The following ARHGAP22 variants were observed in gnomAD, a reference collection of about 807,000 sequenced individuals.
The protein encoded by ARHGAP22 is Rho GTPase activating protein 22.
ARHGAP22 carries 48 observed loss-of-function variants against 59.1 expected under a neutral mutation model. That is an observed-to-expected ratio of 0.81 (90% CI 0.64 to 1.03). The LOEUF (loss-of-function observed/expected upper bound fraction) is 1.03, where lower values mean the gene tolerates loss of function less well. Ranked by LOEUF, ARHGAP22 falls within the 50% of genes least tolerant of loss-of-function variation. ARHGAP22 has a pLI of 0.00. For synonymous variants in ARHGAP22, 445 were observed against 416.4 expected (o/e 1.07, Z -0.84); for missense variants, 1,015 against 958.7 (o/e 1.06, Z -0.78).
chr10:48,496,635 T>C (rs1392908517), intron 3 of ARHGAP22, among the ~76,000 whole-genome samples: 2 of 152,120 alleles, frequency 1.3e-5, no homozygotes, highest in African/African-American at 4.8e-5. Context: ...TTACCTAAGA[T>C]CCTTGTCCCC....
At chr10:48,463,044 T>C (rs1264691501) in intron 4 of ARHGAP22, among the ~76,000 whole-genome samples, 2 of 152,238 alleles carry the variant, frequency 1.3e-5, no homozygotes, top group African/African-American at 2.4e-5. Flanking sequence ...ATTTTTAAAT[T>C]AGTTATTTAT....
intron 3 of ARHGAP22, among the ~76,000 whole-genome samples, chr10:48,552,782 C>T (rs4838620): frequency 0.63 from 95,947 of 152,158 alleles, 31,959 homozygotes; most frequent in East Asian, 0.98. Flanking sequence ...TGTGACTGCA[C>T]GTTGCTGTGG....
intron 1 of ARHGAP22, among the ~76,000 whole-genome samples, chr10:48,604,018 G>A (rs2060535501): frequency 6.6e-6 from 1 of 152,192 alleles, no homozygotes; most frequent in Non-Finnish European, 1.5e-5. Flanking sequence ...TTCTATTTTT[G>A]TAAAAGACAG....
At chr10:48,590,010 G>A (rs994386855) in intron 1 of ARHGAP22, among the ~76,000 whole-genome samples, 1 of 152,096 alleles carries the variant, frequency 6.6e-6, no homozygotes, top group Non-Finnish European at 1.5e-5. Context: ...ATTATTATGT[G>A]TCAATTATAA....
intron 2 of ARHGAP22, among the ~76,000 whole-genome samples, chr10:48,576,899 C>G (rs1261580291): frequency 6.6e-6 from 1 of 151,128 alleles, no homozygotes; most frequent in African/African-American, 2.4e-5. Flanking sequence ...CTCCACTCAC[C>G]CATCCCTCCC....
At chr10:48,509,776 G>A (rs968498955) in intron 3 of ARHGAP22, among the ~76,000 whole-genome samples, 4 of 152,312 alleles carry the variant, frequency 2.6e-5, no homozygotes, top group African/African-American at 7.2e-5. Context: ...CTGCTACTCC[G>A]GATTTCCAGG....
intron 3 of ARHGAP22, among the ~76,000 whole-genome samples, chr10:48,545,853 G>A (rs2056388397): frequency 1.3e-5 from 2 of 152,296 alleles, no homozygotes; most frequent in Non-Finnish European, 2.9e-5. Flanking sequence ...GCTCCCTCTG[G>A]ACAAACTTGG....
intron 2 of ARHGAP22, among the ~76,000 whole-genome samples, chr10:48,568,733 A>G (rs1346076299): frequency 6.6e-6 from 1 of 152,164 alleles, no homozygotes; most frequent in Non-Finnish European, 1.5e-5. Context: ...GTTCCTCCAG[A>G]ACTGGGAGCT....
At chr10:48,588,339 G>A (rs2059554015) in intron 1 of ARHGAP22, among the ~76,000 whole-genome samples, 1 of 152,246 alleles carries the variant, frequency 6.6e-6, no homozygotes, top group South Asian at 2.1e-4. Context: ...TACTGAAGCT[G>A]CAAAACCAGC....
At chr10:48,530,236 C>CAAAAAAAAAAAAAAAAAAAAAAAAAAAA (rs60902650) in intron 3 of ARHGAP22, among the ~76,000 whole-genome samples, 1 of 49,040 alleles carries the variant, frequency 2.0e-5, no homozygotes, top group Non-Finnish European at 3.9e-5. Context: ...GACTCCATTG[C>CAAAAAAAAAAAAAAAAAAAAAAAAAAAA]AAAAAAAAAA....
At chr10:48,470,405 G>T (rs573546452) in intron 4 of ARHGAP22, among the ~76,000 whole-genome samples, 2 of 152,352 alleles carry the variant, frequency 1.3e-5, no homozygotes, top group South Asian at 2.1e-4. Flanking sequence ...CAGCAGGGGT[G>T]GGGGAGGGTG....
chr10:48,502,461 T>A (rs189067463), intron 3 of ARHGAP22, among the ~76,000 whole-genome samples: 140 of 152,286 alleles, frequency 9.2e-4, no homozygotes, highest in African/African-American at 3.1e-3. Context: ...TCAGGACACG[T>A]CCCAGTTTGC....
intron 1 of ARHGAP22, among the ~76,000 whole-genome samples, chr10:48,637,769 G>A (rs931960075): frequency 2.0e-5 from 3 of 152,058 alleles, no homozygotes; most frequent in African/African-American, 7.3e-5. Context: ...CTGCTGGAAG[G>A]GTCAGTAAGA....
At chr10:48,430,788 G>A in the ARHGAP22 span, 2 of 208,544 alleles carry the variant, frequency 9.6e-6, no homozygotes, top group East Asian at 1.6e-4. Flanking sequence ...CAGTGCACCA[G>A]GCTCTATTCC....
intron 4 of ARHGAP22, among the ~76,000 whole-genome samples, chr10:48,478,024 T>C (rs2048908204): frequency 1.3e-5 from 2 of 152,214 alleles, no homozygotes; most frequent in African/African-American, 4.8e-5. Context: ...TTGTAACTCA[T>C]TTAAAAATTC....
chr10:48,564,407 G>A (rs1214862914), intron 2 of ARHGAP22, among the ~76,000 whole-genome samples: 1 of 152,164 alleles, frequency 6.6e-6, no homozygotes, highest in Non-Finnish European at 1.5e-5. Context: ...CCCAGTGTCT[G>A]TTACTGTCCT....
chr10:48,627,774 A>C (rs981424210), intron 1 of ARHGAP22, among the ~76,000 whole-genome samples: 82 of 152,296 alleles, frequency 5.4e-4, no homozygotes, highest in African/African-American at 1.9e-3. Context: ...GGGCCCCTGG[A>C]TGAGGGTCAC....
chr10:48,552,471 C>T (rs1417905996), intron 3 of ARHGAP22, among the ~76,000 whole-genome samples: 1 of 152,268 alleles, frequency 6.6e-6, no homozygotes, highest in African/African-American at 2.4e-5. Flanking sequence ...GCACTTGCCA[C>T]CCTTCACCCA....
At chr10:48,512,515 G>A (rs899413607) in intron 3 of ARHGAP22, among the ~76,000 whole-genome samples, 4 of 152,160 alleles carry the variant, frequency 2.6e-5, no homozygotes, top group African/African-American at 9.7e-5. Flanking sequence ...AAACAATACT[G>A]GTCTCATCAC....
Sources: allele counts gnomAD v4.1 joint callset (sites outside exome capture counted in the v4.1 genomes callset), GRCh38; gene constraint gnomAD v4.1.1; transcripts MANE v1.5; gene names NCBI Gene and HGNC (gene_info 2026-07-23, HGNC 2026-07-21).